Variants in TDRD5 observed in about 807,000 individuals in gnomAD.
TDRD5 encodes the protein tudor domain containing 5, also known as tudor domain-containing protein 5.
In TDRD5, 41 loss-of-function variants were observed where a neutral mutation model predicts 120.6. The ratio of observed to expected loss-of-function variants is 0.34; its 90% CI spans 0.26 to 0.44. TDRD5 has a LOEUF of 0.44. TDRD5 is among the 20% of genes least tolerant of loss of function. The pLI is 1.00. For missense variants in TDRD5, 1,006 were observed against 1,221.2 expected (o/e 0.82, Z 2.63); for synonymous variants, 430 against 433.7 (o/e 0.99, Z 0.11).
In TDRD5 at chr1:179,662,230, A is replaced by C. The variant is rs1246934004; in HGVS notation, c.2449A>C (p.Thr817Pro). ...AGGTGATGCTGCCTCCCATCTATTT[A>C]CTGCAAGCCTTGGTGGAAAGAATCA... ...KGGDAASHLF[T>P]ASLGGKNQYS... is the part of the protein sequence containing the mutation. Residue 817 changes from threonine (T) to proline (P), a missense_variant, in exon 15 of 18, where the codon ACT (threonine) becomes CCT (proline). By Grantham distance (38) the Thr-to-Pro change is conservative (BLOSUM62 -1). Around this residue, in one of 3 missense-constraint regions of TDRD5, gnomAD observed 403 missense variants for 448.1 expected, o/e 0.90. Transcript: ENST00000444136. 6.2e-7 allele frequency: 1 copy of C among 1,611,386 alleles called. No individual in the cohort carries two copies. Among genetic ancestry groups the C allele is most frequent in the Admixed American group, 1.7e-5 (1 of 59,332 alleles).
chr1:179,624,743 A>G (rs1050940052), intron 6 of TDRD5, among the ~76,000 whole-genome samples: 2 of 152,234 alleles, frequency 1.3e-5, no homozygotes, highest in Non-Finnish European at 2.9e-5. Flanking sequence ...TTGAAGACTA[A>G]TAAATGGAGA....
intron 17 of TDRD5, among the ~76,000 whole-genome samples, chr1:179,684,416 A>ATGTGCC (rs1680592866): frequency 6.6e-6 from 1 of 152,158 alleles, no homozygotes; most frequent in Admixed American, 6.5e-5. Context: ...CATGGTGTAT[A>ATGTGCC]TGTGCCACAT....
intron 17 of TDRD5, among the ~76,000 whole-genome samples, chr1:179,675,275 T>TACTTTA (rs573077045): frequency 2.1e-5 from 1 of 48,606 alleles, no homozygotes; most frequent in Non-Finnish European, 4.7e-5. Flanking sequence ...TTATTATTAT[T>TACTTTA]TTTTTTTTTT....
Position 179,685,991 on chromosome 1 carries a change from G to T in TDRD5, c.2861-4705G>T, listed in dbSNP as rs148404558. On this transcript the variant is annotated intron_variant, in intron 17 of 17. Coordinates refer to ENST00000444136, the MANE Select transcript of TDRD5 (RefSeq NM_001199085.3). ...TATCCAATCTTGTCATCTGCAAACA[G>T]GGACAATTTGACTTCCTCTTTTCCT... 9.6e-3 allele frequency among the ~76,000 whole-genome samples: 1,456 copies of T among 152,266 alleles called. 25 individuals are homozygous for T. The highest frequency in any genetic ancestry group is 0.033 in the African/African-American group (1,351 of 41,546).
At chr1:179,686,299 A>G (rs1392960456) in intron 17 of TDRD5, among the ~76,000 whole-genome samples, 1 of 152,240 alleles carries the variant, frequency 6.6e-6, no homozygotes, top group Non-Finnish European at 1.5e-5. Flanking sequence ...TATTGAGATA[A>G]TCACTTGGTT....
rs1484838220 is a variant in TDRD5, at chr1:179,690,800, A to G, written c.2965A>G (p.Ile989Val). 1.9e-6 allele frequency: 3 copies of G among 1,614,160 alleles called. No individual in the cohort carries two copies. The highest frequency in any genetic ancestry group is 2.5e-6 in the Non-Finnish European group (3 of 1,180,034). Reference sequence around the variant, plus strand: ...AGAATCTGTAGACCAGCTGTCTTTGATTTTGTCTTATGAGTGCCAGATTTC... The same window carrying G: ...AGAATCTGTAGACCAGCTGTCTTTGGTTTTGTCTTATGAGTGCCAGATTTC... ...RQESVDQLSL[I>V]LSYECQISQK... Residue 989 changes from isoleucine (I) to valine (V), a missense_variant, in exon 18 of 18, where the codon ATT (isoleucine) becomes GTT (valine). Transcript: ENST00000444136.
chr1:179,675,273 A>ATTATTTTTT (rs1444171268), intron 17 of TDRD5, among the ~76,000 whole-genome samples: 18 of 66,614 alleles, frequency 2.7e-4, no homozygotes, highest in African/African-American at 8.6e-4. Flanking sequence ...TATTATTATT[A>ATTATTTTTT]TTTTTTTTTT....
At chr1:179,597,400 C>A (rs12086761) in intron 4 of TDRD5, among the ~76,000 whole-genome samples, 3 of 143,866 alleles carry the variant, frequency 2.1e-5, no homozygotes, top group Admixed American at 7.4e-5. Context: ...GGTGCGATCT[C>A]GGCTCACTGC....
intron 11 of TDRD5, among the ~76,000 whole-genome samples, chr1:179,650,419 A>T (rs866771447): frequency 5.2e-4 from 79 of 151,804 alleles, no homozygotes; most frequent in Non-Finnish European, 6.9e-4. Context: ...AAAAAAAAAA[A>T]AAAAGTTCAA....
Position 179,691,175 on chromosome 1 carries a change from T to A in TDRD5, c.*232T>A, listed in dbSNP as rs1681135226. ...CTTGATTTTATTCTGTGTCATTTTG[T>A]TCACCTTTGTTTTTAATGTAGTTTA... On this transcript the variant is annotated 3_prime_UTR_variant, in exon 18 of 18. Transcript: ENST00000444136. 4.3e-6 allele frequency: 2 copies of A among 468,106 alleles called. No individual in the cohort carries two copies. The allele number at this position is 468,106 out of a possible 1,614,324, so 29.0% of individuals were successfully genotyped here.
chr1:179,609,699 A>G (rs936021739), intron 4 of TDRD5, among the ~76,000 whole-genome samples: 1 of 152,128 alleles, frequency 6.6e-6, no homozygotes, highest in Non-Finnish European at 1.5e-5. Flanking sequence ...CTTTCTAAGG[A>G]TTGACTCAAT....
At chr1:179,648,206 A>C (rs1678498835) in intron 11 of TDRD5, among the ~76,000 whole-genome samples, 2 of 146,216 alleles carry the variant, frequency 1.4e-5, no homozygotes. Context: ...CCAAATGTCC[A>C]ACAACGATAG....
intron 14 of TDRD5, among the ~76,000 whole-genome samples, chr1:179,661,106 A>C (rs1679289382): frequency 6.6e-6 from 1 of 151,998 alleles, no homozygotes; most frequent in South Asian, 2.1e-4. Flanking sequence ...CATTCAAGAT[A>C]GTTCTTTGTC....
At chr1:179,602,857 C>T (rs904595263) in intron 4 of TDRD5, among the ~76,000 whole-genome samples, 3 of 151,958 alleles carry the variant, frequency 2.0e-5, no homozygotes, top group South Asian at 2.1e-4. Flanking sequence ...TTTGGCTATG[C>T]GGGCTCTTTT....
chr1:179,618,398 A>C (rs1349166758), intron 4 of TDRD5, among the ~76,000 whole-genome samples: 2 of 152,332 alleles, frequency 1.3e-5, no homozygotes, highest in East Asian at 3.9e-4. Flanking sequence ...CTCAGCATTT[A>C]GTTTCATAAT....
chr1:179,599,472 A>C (rs1156468632), intron 4 of TDRD5, among the ~76,000 whole-genome samples: 5 of 151,846 alleles, frequency 3.3e-5, no homozygotes, highest in Non-Finnish European at 7.4e-5. Context: ...CTTTGCAGAA[A>C]GGTTTTAAAC....
At chr1:179,624,952 G>A (rs1677039095) in intron 6 of TDRD5, among the ~76,000 whole-genome samples, 1 of 151,932 alleles carries the variant, frequency 6.6e-6, no homozygotes, top group Non-Finnish European at 1.5e-5. Context: ...TTTGAGAGAG[G>A]TGCCAAAGGA....
intron 11 of TDRD5, among the ~76,000 whole-genome samples, chr1:179,641,805 G>A (rs1433338856): frequency 6.6e-6 from 1 of 152,138 alleles, no homozygotes; most frequent in African/African-American, 2.4e-5. Flanking sequence ...TTAGGTAAAT[G>A]TGCATCATCG....
chr1:179,658,868 A>G (rs538166919), intron 14 of TDRD5, among the ~76,000 whole-genome samples: 2 of 151,116 alleles, frequency 1.3e-5, no homozygotes, highest in South Asian at 4.2e-4. Flanking sequence ...TTGATTTGAG[A>G]CCTTTCTTTT....
Sources: allele counts gnomAD v4.1 joint callset (sites outside exome capture counted in the v4.1 genomes callset), GRCh38; gene constraint gnomAD v4.1.1; regional missense constraint gnomAD v4.1.1; transcripts MANE v1.5; gene names NCBI Gene and HGNC (gene_info 2026-07-23, HGNC 2026-07-21).